The following CCDC30 variants were observed in gnomAD, a reference collection of about 807,000 sequenced individuals.
CCDC30 encodes the protein coiled-coil domain containing 30.
CCDC30 carries 70 observed loss-of-function variants against 100.2 expected under a neutral mutation model. The ratio of observed to expected loss-of-function variants is 0.70; its 90% CI spans 0.58 to 0.85. The LOEUF is 0.85. Among genes scored for constraint, CCDC30 ranks in the 40% least tolerant of loss-of-function variants. The pLI is 0.00. For synonymous variants in CCDC30, 233 were observed against 269.5 expected (o/e 0.86, Z 1.33); for missense variants, 652 against 771.2 (o/e 0.85, Z 1.83).
chr1:42,525,365 T>C (rs1055044922), intron 6 of CCDC30, among the ~76,000 whole-genome samples: 74 of 152,208 alleles, frequency 4.9e-4, no homozygotes, highest in Non-Finnish European at 1.2e-4. Context: ...ATTTCTATTG[T>C]TGTTTTCAAG....
At chr1:42,595,260 A>G (rs1646262766) in intron 10 of CCDC30, 1 of 152,200 alleles carries the variant, frequency 6.6e-6, no homozygotes, top group Non-Finnish European at 1.5e-5. Flanking sequence ...GAAAAAGTAA[A>G]TCCAGGCCAG....
At chr1:42,473,238 A>T in intron 1 of CCDC30, 1 of 1,231,578 alleles carries the variant, frequency 8.1e-7, no homozygotes, top group Non-Finnish European at 1.0e-6. Context: ...CAGTGAAGAC[A>T]GGCTGAGGAC....
intron 6 of CCDC30, among the ~76,000 whole-genome samples, chr1:42,529,993 T>A (rs1038730509): frequency 6.6e-6 from 1 of 152,252 alleles, no homozygotes; most frequent in Non-Finnish European, 1.5e-5. Flanking sequence ...TACACTGTCC[T>A]GCTGGGATGG....
chr1:42,607,833 T>G (rs12025456), intron 10 of CCDC30, among the ~76,000 whole-genome samples: 1 of 151,966 alleles, frequency 6.6e-6, no homozygotes, highest in East Asian at 1.9e-4. Context: ...AACTCTTTTT[T>G]TAGATTGATT....
At chr1:42,488,417 GA>G (rs1380200151) in intron 3 of CCDC30, among the ~76,000 whole-genome samples, 1 of 152,066 alleles carries the variant, frequency 6.6e-6, no homozygotes, top group Non-Finnish European at 1.5e-5. Flanking sequence ...GGGTTCAAGT[GA>G]CCCTCCTGCC....
intron 1 of CCDC30, among the ~76,000 whole-genome samples, chr1:42,479,315 G>A (rs758087307): frequency 2.8e-4 from 43 of 152,210 alleles, no homozygotes; most frequent in Admixed American, 8.5e-4. Flanking sequence ...GGTGGAGGTT[G>A]CAGTGAGCCA....
chr1:42,653,889 C>A (rs951085068), exon 17 of CCDC30: 1 of 1,613,914 alleles, frequency 6.2e-7, no homozygotes, highest in African/African-American at 1.3e-5. Context: ...TCAAAAGAAG[C>A]AATGGCAAGT....
intron 7 of CCDC30, among the ~76,000 whole-genome samples, chr1:42,573,823 G>A (rs919450448): frequency 3.3e-5 from 5 of 151,996 alleles, no homozygotes; most frequent in African/African-American, 1.2e-4. Flanking sequence ...AATGTTTTAT[G>A]ACAAATACAT....
chr1:42,552,477 T>C (rs1049746957), intron 6 of CCDC30, among the ~76,000 whole-genome samples: 1 of 152,214 alleles, frequency 6.6e-6, no homozygotes, highest in African/African-American at 2.4e-5. Flanking sequence ...TGGTTAAGTC[T>C]GGTCTTTATA....
the CCDC30 span, chr1:42,456,334 C>G: frequency 1.4e-4 from 85 of 606,252 alleles, 1 homozygote; most frequent in South Asian, 7.8e-4. Context: ...GGGAACGTGA[C>G]CCTACCAGAT....
rs1168281544 is a variant in CCDC30 at position 42,581,512 on chromosome 1, G to T, written c.999G>T (p.Lys333Asn). The T allele has an allele frequency of 1.9e-6, 3 of 1,609,776 alleles. No homozygotes were observed. In the Admixed American group the frequency reaches 5.1e-5, roughly 27 times the overall value. ...AACAATATCAAGAAGAACAACAGAA[G>T]AGGTAAGAGGAGCAGAGATCTCAGT... Residue 333 changes from lysine to asparagine, a missense_variant and splice_region_variant, in exon 9 of 17, where the codon AAG becomes AAT. Lys to Asn is a moderately conservative substitution (Grantham distance 94, BLOSUM62 0). Coordinates refer to ENST00000668663, the Ensembl canonical transcript of CCDC30.
intron 5 of CCDC30, among the ~76,000 whole-genome samples, chr1:42,498,579 A>G (rs1256429990): frequency 6.6e-6 from 1 of 152,190 alleles, no homozygotes; most frequent in Non-Finnish European, 1.5e-5. Flanking sequence ...TATATATTTA[A>G]TACATGTGTG....
chr1:42,476,164 T>C (rs6665969), intron 1 of CCDC30, among the ~76,000 whole-genome samples: 60,710 of 151,980 alleles, frequency 0.4, 12,712 homozygotes, highest in East Asian at 0.59. Flanking sequence ...AAGAGTGTTG[T>C]TTTCCTTCTA....
At chr1:42,470,221 G>A (rs1037188487) in intron 1 of CCDC30, among the ~76,000 whole-genome samples, 1 of 152,124 alleles carries the variant, frequency 6.6e-6, no homozygotes, top group African/African-American at 2.4e-5. Flanking sequence ...TCCAGAGATT[G>A]GAGGTCTCAC....
At chr1:42,651,222 A>G (rs1461766974) in intron 15 of CCDC30, among the ~76,000 whole-genome samples, 1 of 152,218 alleles carries the variant, frequency 6.6e-6, no homozygotes, top group Admixed American at 6.5e-5. Flanking sequence ...ACAAACATAT[A>G]CAAATGGGAT....
At chr1:42,474,752 C>A (rs546350281) in intron 1 of CCDC30, among the ~76,000 whole-genome samples, 6 of 152,294 alleles carry the variant, frequency 3.9e-5, no homozygotes, top group East Asian at 1.9e-4. Context: ...TGCTTCTTCA[C>A]CTCCAAAGTG....
At chr1:42,492,224 AAAT>A (rs1438563850) in intron 4 of CCDC30, 1 of 217,148 alleles carries the variant, frequency 4.6e-6, no homozygotes, top group Non-Finnish European at 9.4e-6. Context: ...ATCCAGAAGA[AAAT>A]GATGGAAATT....
intron 9 of CCDC30, among the ~76,000 whole-genome samples, chr1:42,588,179 A>G (rs1483208257): frequency 6.6e-6 from 1 of 152,168 alleles, no homozygotes; most frequent in East Asian, 1.9e-4. Context: ...ATAAATTTCA[A>G]GTTTTAAGAC....
intron 7 of CCDC30, among the ~76,000 whole-genome samples, chr1:42,576,676 C>T (rs1645844202): frequency 3.3e-5 from 5 of 152,166 alleles, no homozygotes; most frequent in Admixed American, 3.3e-4. Flanking sequence ...ACTGAGAAGT[C>T]ACTTGTCCAT....
Sources: gnomAD v4.1 joint callset for allele counts (sites outside exome capture counted in the v4.1 genomes callset) on GRCh38, gnomAD v4.1.1 for gene constraint, MANE v1.5 for transcripts, NCBI Gene and HGNC (gene_info 2026-07-23, HGNC 2026-07-21) for gene names.